The following PCDHGA1 variants were observed in gnomAD, a reference collection of about 807,000 sequenced individuals.
PCDHGA1 encodes protocadherin gamma subfamily A, 1, also known as protocadherin gamma-A1.
In PCDHGA1, 32 loss-of-function variants were observed where a neutral mutation model predicts 58.0. The observed-to-expected ratio is 0.55, with a 90% CI of 0.42 to 0.74. The LOEUF (loss-of-function observed/expected upper bound fraction) is 0.74, where lower values mean the gene tolerates loss of function less well. Among genes scored for constraint, PCDHGA1 ranks in the 30% least tolerant of loss-of-function variants. The pLI, the probability that PCDHGA1 is intolerant of heterozygous loss-of-function variation, is 0.00. For synonymous variants in PCDHGA1, 498 were observed against 501.1 expected, an observed-to-expected ratio of 0.99 and a Z score of 0.08; for missense variants, 1,205 against 1,182.3, an observed-to-expected ratio of 1.02 and a Z score of -0.28.
intron 1 of PCDHGA1, chr5:141,374,136 C>T (rs769413254): frequency 1.2e-5 from 19 of 1,605,624 alleles, no homozygotes; most frequent in Non-Finnish European, 1.4e-5. Context: ...CTGCTCCTCA[C>T]GCTCCTGGGG....
chr5:141,340,880 G>A lies in PCDHGA1; in HGVS notation c.2421+7775G>A, dbSNP rs970032953. 8 of 1,613,542 alleles carry A rather than the reference G, an allele frequency of 5.0e-6. No homozygotes were observed. In the African/African-American group the frequency reaches 6.7e-5, roughly 13 times the overall value. On this transcript the variant is annotated intron_variant, in intron 1 of 3. Transcript: ENST00000517417. Reference sequence around the variant, plus strand: ...GGCGCGAGCCCTGCTGGACAGAGACGCGCTCAAGCAGAGCCTCGTGGTGGC... The same window carrying A: ...GGCGCGAGCCCTGCTGGACAGAGACACGCTCAAGCAGAGCCTCGTGGTGGC...
At position 141,489,662 on chromosome 5, in the gene PCDHGA1, G is replaced by A. The variant is rs2233601; in HGVS notation, c.2422-5145G>A. On this transcript the variant is annotated intron_variant, in intron 1 of 3. Coordinates refer to ENST00000517417, the MANE Select transcript of PCDHGA1 (RefSeq NM_018912.3). This position sits in a 1 kb window ranked among gnomAD's most constrained non-coding sequence, Gnocchi z 4.5. ...TTTGCCACCCCTGAGCGAGAGATGC[G>A]CATCTCAGAATCAGCAGCATCTGGG... The A allele has an allele frequency of 4.0e-4, 649 of 1,614,144 alleles. 2 individuals are homozygous for A. The highest frequency in any genetic ancestry group is 1.5e-3 in the Middle Eastern group (9 of 6,062).
intron 1 of PCDHGA1, among the ~76,000 whole-genome samples, chr5:141,407,534 A>G (rs72790039): frequency 0.022 from 3,304 of 149,594 alleles, 53 homozygotes; most frequent in South Asian, 0.039. Context: ...CTTATTGTGC[A>G]TTGGTAACAG....
intron 1 of PCDHGA1, chr5:141,384,779 G>T (rs1252058358): frequency 6.2e-7 from 1 of 1,613,592 alleles, no homozygotes; most frequent in Non-Finnish European, 8.5e-7. Context: ...GGCGAGGTGC[G>T]CACGGCTCGG....
chr5:141,398,829 C>G (rs1020690994), intron 1 of PCDHGA1: 2 of 1,613,876 alleles, frequency 1.2e-6, no homozygotes, highest in African/African-American at 1.3e-5. Context: ...AGGTAACCGA[C>G]GCCAATGATA....
chr5:141,443,136 C>T (rs910953831), intron 1 of PCDHGA1, among the ~76,000 whole-genome samples: 1 of 152,160 alleles, frequency 6.6e-6, no homozygotes, highest in African/African-American at 2.4e-5. Context: ...AGAACACTAT[C>T]ATAAGTTATA....
chr5:141,415,760 T>G (rs779762678), intron 1 of PCDHGA1: 355 of 1,388,296 alleles, frequency 2.6e-4, no homozygotes, highest in East Asian at 7.0e-4. Flanking sequence ...TTTTTTTTTT[T>G]TTTTTTTTTT....
rs149319740 is a variant in PCDHGA1, at chr5:141,378,591, G to A, written c.2421+45486G>A. The stretch of plus-strand genomic sequence containing the variant: ...TTTTAAAACATGCTCGGTAGTGTCT[G>A]CTTACAGGACATATCTCTAAAAATA... On this transcript the variant is annotated intron_variant, in intron 1 of 3. Transcript: ENST00000517417. 4.1e-4 allele frequency: 63 copies of A among 152,298 alleles called. 1 individual carries two copies. Among genetic ancestry groups the A allele is most frequent in the African/African-American group, 1.4e-3 (60 of 41,574 alleles). The allele number at this position is 152,298 out of a possible 1,614,324, so 9.4% of individuals were successfully genotyped here.
chr5:141,330,569 C>A lies in PCDHGA1; in HGVS notation c.-116C>A. 1 of 1,148,898 alleles carries A rather than the reference C, an allele frequency of 8.7e-7. No individual in the cohort carries two copies. Among genetic ancestry groups the A allele is most frequent in the African/African-American group, 1.5e-5 (1 of 64,770 alleles). 71.2% of individuals were successfully genotyped at this position (1,148,898 alleles called of 1,614,324 possible). A position where few individuals can be genotyped will look rare whatever the true frequency, so the allele number is the denominator to read the frequency against. ...ACTGTCCAAGACTGCCTAAATCCTA[C>A]TTCTGGATGACTCTCCAGTCAGAAT... On this transcript the variant is annotated 5_prime_UTR_variant, in exon 1 of 4. Transcript: ENST00000517417.
rs200519543 is a variant in PCDHGA1, at chr5:141,439,190, C to CAA, written c.2422-55603_2422-55602dup. 3.7e-3 allele frequency among the ~76,000 whole-genome samples: 409 copies of CAA among 111,790 alleles called. 4 individuals are homozygous for CAA. The highest frequency in any genetic ancestry group is 0.029 in the East Asian group (112 of 3,852). The allele number at this position is 111,790 out of a possible 152,430, so 73.3% of individuals were successfully genotyped here. A position where few individuals can be genotyped will look rare whatever the true frequency, so the allele number is the denominator to read the frequency against. On this transcript the variant is annotated intron_variant, in intron 1 of 3. Transcript: ENST00000517417. Reference sequence around the variant, plus strand: ...CCTGGGCGACATAGTGAGACTCTGACAAAAAAAAAAAAAAATCCATATGTG... The same window carrying CAA: ...CCTGGGCGACATAGTGAGACTCTGACAAAAAAAAAAAAAAAAATCCATATGTG...
intron 1 of PCDHGA1, chr5:141,400,304 G>A (rs760976345): frequency 4.3e-6 from 7 of 1,613,930 alleles, no homozygotes; most frequent in African/African-American, 1.3e-5. Context: ...TTCCAACCTG[G>A]TCTCTGTGTC....
chr5:141,401,017 T>C (rs2094103677), intron 1 of PCDHGA1, among the ~76,000 whole-genome samples: 3 of 152,226 alleles, frequency 2.0e-5, no homozygotes, highest in Admixed American at 2.0e-4. Context: ...AATGGATTTA[T>C]GATTTTTTGA....
At chr5:141,429,396 T>A (rs2097212352) in intron 1 of PCDHGA1, among the ~76,000 whole-genome samples, 1 of 151,520 alleles carries the variant, frequency 6.6e-6, no homozygotes, top group African/African-American at 2.4e-5. Context: ...TTAAAAAAAA[T>A]TGAGATTAAG....
chr5:141,422,629 A>C lies in PCDHGA1; in HGVS notation c.2422-72178A>C, dbSNP rs780472571. 1.9e-6 allele frequency: 3 copies of C among 1,613,270 alleles called. No homozygotes were observed. The Admixed American group carries it at 5.0e-5, about 27-fold the overall frequency. Reference sequence around the variant, plus strand: ...TGCCTACATTCCCGAAAACAACCCCAGGGGTGCCTCCATCTTCTCAGTGAC... The same window carrying C: ...TGCCTACATTCCCGAAAACAACCCCCGGGGTGCCTCCATCTTCTCAGTGAC... On this transcript the variant is annotated intron_variant, in intron 1 of 3. Transcript: ENST00000517417.
At chr5:141,351,626 C>T (rs751939973) in intron 1 of PCDHGA1, 2 of 1,614,070 alleles carry the variant, frequency 1.2e-6, no homozygotes, top group South Asian at 1.1e-5. Context: ...CTATGTGGTC[C>T]ACGTGTCTGA....
chr5:141,378,499 G>A (rs1220046096), intron 1 of PCDHGA1: 1 of 152,084 alleles, frequency 6.6e-6, no homozygotes, highest in Non-Finnish European at 1.5e-5. Context: ...CTCCAGTCTG[G>A]GTGACAGAGC....
intron 2 of PCDHGA1, among the ~76,000 whole-genome samples, chr5:141,499,738 A>G (rs1284003023): frequency 2.4e-5 from 3 of 127,268 alleles, no homozygotes; most frequent in South Asian, 2.4e-4. Flanking sequence ...TCTCTTGCCC[A>G]GGCTGTGGCA....
At chr5:141,472,010 C>T (rs1305786275) in intron 1 of PCDHGA1, among the ~76,000 whole-genome samples, 1 of 151,978 alleles carries the variant, frequency 6.6e-6, no homozygotes, top group Non-Finnish European at 1.5e-5. Flanking sequence ...CGTATAGGGG[C>T]ACTATATTGT....
At chr5:141,509,169 T>C (rs1321257504) in intron 3 of PCDHGA1, among the ~76,000 whole-genome samples, 2 of 152,174 alleles carry the variant, frequency 1.3e-5, no homozygotes, top group African/African-American at 4.8e-5. Context: ...TGTGCCCTCC[T>C]CCTCTTATGC....
Sources: allele counts gnomAD v4.1 joint callset (sites outside exome capture counted in the v4.1 genomes callset), GRCh38; gene constraint gnomAD v4.1.1; non-coding constraint Gnocchi (gnomAD v3.1); transcripts MANE v1.5; gene names NCBI Gene and HGNC (gene_info 2026-07-23, HGNC 2026-07-21).